The following STMN1 variants were observed in gnomAD, a reference collection of about 807,000 sequenced individuals.
STMN1 encodes the protein stathmin.
Under a neutral mutation model 19.7 loss-of-function variants are expected in STMN1, and 3 were observed. The ratio of observed to expected loss-of-function variants is 0.15; its 90% CI spans 0.07 to 0.39. STMN1 has a LOEUF of 0.39. Ranked by LOEUF, STMN1 falls within the 10% of genes least tolerant of loss-of-function variation. The pLI is 1.00. For synonymous variants in STMN1, 59 were observed against 58.9 expected (o/e 1.00, Z -0.01); for missense variants, 99 against 176.0 (o/e 0.56, Z 2.48).
At chr1:25,905,580 C>G (rs978915808) in intron 1 of STMN1, 1 of 152,260 alleles carries the variant, frequency 6.6e-6, no homozygotes, top group Non-Finnish European at 1.5e-5. Context: ...CCTTCCTCCC[C>G]GCGCCTTTTC....
At chr1:25,897,120 C>T (rs2048824074), downstream of STMN1, among the ~76,000 whole-genome samples, 1 of 152,142 alleles carries the variant, frequency 6.6e-6, no homozygotes, top group African/African-American at 2.4e-5. Flanking sequence ...CAAGACCAGC[C>T]TGGCCAACGT....
chr1:25,884,265 G>T (rs1245227087), downstream of STMN1: 1 of 152,134 alleles, frequency 6.6e-6, no homozygotes, highest in Non-Finnish European at 1.5e-5. Flanking sequence ...TCCTGAGGCT[G>T]CCCAGAGTTT....
downstream of STMN1, among the ~76,000 whole-genome samples, chr1:25,898,691 C>T (rs767297858): frequency 2.4e-4 from 36 of 152,248 alleles, no homozygotes; most frequent in Non-Finnish European, 4.1e-4. Flanking sequence ...GGAATGGAGT[C>T]TGCTCCTTGG....
In STMN1 at chr1:25,887,360, G is replaced by A. The variant is rs938861751; in HGVS notation, c.379-1491C>T. 7 of 255,416 alleles carry A rather than the reference G, an allele frequency of 2.7e-5. No homozygotes were observed. In the Admixed American group the frequency reaches 2.9e-4, roughly 10 times the overall value. 15.8% of individuals were successfully genotyped at this position (255,416 alleles called of 1,614,324 possible). A position where few individuals can be genotyped will look rare whatever the true frequency, so the allele number is the denominator to read the frequency against. On this transcript the variant is annotated intron_variant, in intron 4 of 4. Transcript: ENST00000426559. ...CCTGCAGCATTTGCCCATAGTTACG[G>A]TAAGTCTACCCCTCAATCCCGAAGC...
At chr1:25,902,085 A>C (rs2048882129) in intron 3 of STMN1, 1 of 147,556 alleles carries the variant, frequency 6.8e-6, no homozygotes, top group Non-Finnish European at 1.5e-5. Context: ...GGCAGAAAAT[A>C]AGGTCCCTTT....
exon 5 of STMN1, chr1:25,885,714 A>T: frequency 6.5e-7 from 1 of 1,548,334 alleles, no homozygotes; most frequent in East Asian, 2.4e-5. Context: ...GCAAATATTT[A>T]TTAAGTACCT....
In STMN1 at chr1:25,900,264, T is replaced by C. The variant is rs1299827311; in HGVS notation, c.*752A>G. 3 of 985,764 alleles carry C rather than the reference T, an allele frequency of 3.0e-6. No individual in the cohort carries two copies. In the African/African-American group the frequency reaches 5.2e-5, roughly 17 times the overall value. 61.1% of individuals were successfully genotyped at this position (985,764 alleles called of 1,614,324 possible). On this transcript the variant is annotated 3_prime_UTR_variant, in exon 5 of 5. Coordinates refer to ENST00000455785, the MANE Select transcript of STMN1 (RefSeq NM_005563.4). ...TTGAGATTCTCTCTCAACTGTTCTC[T>C]AGAAACACGCTTGTGCTTTTAATCT... is the stretch of plus-strand genomic sequence containing the variant.
At chr1:25,892,186 G>C (rs993176728) in intron 4 of STMN1, among the ~76,000 whole-genome samples, 21 of 152,196 alleles carry the variant, frequency 1.4e-4, no homozygotes, top group Admixed American at 1.3e-3. Flanking sequence ...GGTCGAGTTC[G>C]AGACTAGCCT....
intron 4 of STMN1, 137 bp downstream of exon 4, chr1:25,901,354 C>A (rs932610571): frequency 2.8e-5 from 34 of 1,198,040 alleles, no homozygotes; most frequent in African/African-American, 4.6e-5. Context: ...TTAAAATATA[C>A]CTTTCATTTA....
intron 4 of STMN1, among the ~76,000 whole-genome samples, chr1:25,895,002 T>C (rs1395963214): frequency 6.6e-6 from 1 of 152,144 alleles, no homozygotes; most frequent in Non-Finnish European, 1.5e-5. Flanking sequence ...AGCAAGTGTT[T>C]GGTGACTGGG....
At chr1:25,901,415 C>A in intron 4 of STMN1, 76 bp downstream of exon 4, 1 of 1,492,338 alleles carries the variant, frequency 6.7e-7, no homozygotes, top group South Asian at 1.3e-5. Flanking sequence ...CACCTTTTAT[C>A]AAAGCACTTA....
At chr1:25,893,347 C>T (rs1228688202) in intron 4 of STMN1, among the ~76,000 whole-genome samples, 1 of 152,160 alleles carries the variant, frequency 6.6e-6, no homozygotes, top group Non-Finnish European at 1.5e-5. Context: ...CTAAGAGGGA[C>T]TCTGGCTTTA....
At chr1:25,901,268 T>C in intron 4 of STMN1, 181 bp from the exon 5 acceptor site, 1 of 1,249,052 alleles carries the variant, frequency 8.0e-7, no homozygotes, top group Non-Finnish European at 1.1e-6. Flanking sequence ...CCTGGGTCCC[T>C]TGTAGAACCT....
chr1:25,901,373 A>T (rs1183833968), intron 4 of STMN1, 118 bp downstream of exon 4: 1 of 1,297,932 alleles, frequency 7.7e-7, no homozygotes, highest in Non-Finnish European at 1.1e-6. Context: ...TAATATGTTA[A>T]GCCCCAAAAT....
At chr1:25,901,741 G>A (rs1288166006) in intron 3 of STMN1, 59 bp from the exon 4 acceptor site, 1 of 1,514,152 alleles carries the variant, frequency 6.6e-7, no homozygotes, top group African/African-American at 1.4e-5. Flanking sequence ...TGGGTGTGGT[G>A]GCTCACGCCT....
intron 4 of STMN1, among the ~76,000 whole-genome samples, chr1:25,890,593 C>T (rs1037644792): frequency 4.6e-5 from 7 of 152,226 alleles, no homozygotes; most frequent in African/African-American, 1.4e-4. Context: ...AGGTTTCCGG[C>T]ATTGTGCCTG....
chr1:25,894,791 C>T (rs2048804583), intron 4 of STMN1, among the ~76,000 whole-genome samples: 1 of 152,142 alleles, frequency 6.6e-6, no homozygotes, highest in African/African-American at 2.4e-5. Context: ...AGGCTGGTCT[C>T]TAACTCCTGG....
chr1:25,891,939 C>G (rs1423547717), intron 4 of STMN1, among the ~76,000 whole-genome samples: 1 of 152,134 alleles, frequency 6.6e-6, no homozygotes, highest in African/African-American at 2.4e-5. Context: ...ATGCAGCCTG[C>G]GAGGGGGTCT....
At chr1:25,902,308 G>T (rs2048885420) in intron 3 of STMN1, 2 of 152,100 alleles carry the variant, frequency 1.3e-5, no homozygotes, top group African/African-American at 4.8e-5. Context: ...CACTTTTATT[G>T]TAAAGAATTT....
Sources: gnomAD v4.1 joint callset for allele counts (sites outside exome capture counted in the v4.1 genomes callset) on GRCh38, gnomAD v4.1.1 for gene constraint, MANE v1.5 for transcripts, NCBI Gene and HGNC (gene_info 2026-07-23, HGNC 2026-07-21) for gene names.